The following FUT8 variants were observed in gnomAD, a reference collection of about 807,000 sequenced individuals.
The protein encoded by FUT8 is alpha-(1,6)-fucosyltransferase.
A neutral mutation model predicts 71.3 loss-of-function variants in FUT8; 29 were observed. The ratio of observed to expected loss-of-function variants is 0.41; its 90% CI spans 0.30 to 0.55. The LOEUF is 0.55. FUT8 is among the 20% of genes least tolerant of loss of function. FUT8 has a pLI of 0.34. For missense variants in FUT8, 544 were observed against 702.1 expected, an observed-to-expected ratio of 0.77 and a Z score of 2.55; for synonymous variants, 254 against 239.3, an observed-to-expected ratio of 1.06 and a Z score of -0.57.
intron 3 of FUT8, among the ~76,000 whole-genome samples, chr14:65,612,194 G>C (rs2140208593): frequency 6.6e-6 from 1 of 152,144 alleles, no homozygotes; most frequent in African/African-American, 2.4e-5. Flanking sequence ...GTTACTAGAA[G>C]GTCTTGTATA....
At chr14:65,481,616 C>T (rs964811251) in intron 2 of FUT8, among the ~76,000 whole-genome samples, 1 of 152,114 alleles carries the variant, frequency 6.6e-6, no homozygotes, top group Non-Finnish European at 1.5e-5. Context: ...CCCACTACTA[C>T]CCATCCTTCC....
rs946343866 is a variant in FUT8, at chr14:65,467,538, G to A, written c.-228+11820G>A. ...GTCGCCCGGGCTGGAGTGCAGTGGT[G>A]TGATCTTGGCTCACTGCAACCTCCA... On this transcript the variant is annotated intron_variant, in intron 2 of 10. Coordinates refer to ENST00000673929, the MANE Select transcript of FUT8 (RefSeq NM_001371533.1). The surrounding 1 kb of genome is among the most constrained non-coding windows in gnomAD (Gnocchi z 4.1). 6.6e-6 allele frequency among the ~76,000 whole-genome samples: 1 copy of A among 151,586 alleles called. No individual in the cohort carries two copies. The highest frequency in any genetic ancestry group is 1.5e-5 in the Non-Finnish European group (1 of 67,894).
intron 1 of FUT8, among the ~76,000 whole-genome samples, chr14:65,451,848 G>C (rs1446148852): frequency 6.6e-6 from 1 of 152,160 alleles, no homozygotes; most frequent in Non-Finnish European, 1.5e-5. Context: ...TTGTCTACCA[G>C]CTGAGTCTGG....
chr14:65,523,587 C>T (rs958145807), intron 2 of FUT8, among the ~76,000 whole-genome samples: 1 of 152,180 alleles, frequency 6.6e-6, no homozygotes, highest in Admixed American at 6.5e-5. Flanking sequence ...AATTAGATCC[C>T]ATTTGTCAAT....
Position 65,550,985 on chromosome 14 carries a change from A to G in FUT8, c.-227-10352A>G, listed in dbSNP as rs1003672109. The stretch of plus-strand genomic sequence containing the variant: ...AATGCATCTTAGCATAAATTTTTGC[A>G]TGTGGAATTTCTTGTCAAAGGGCAT... On this transcript the variant is annotated intron_variant, in intron 2 of 10. Coordinates refer to ENST00000673929, the MANE Select transcript of FUT8 (RefSeq NM_001371533.1). The surrounding 1 kb of genome is among the most constrained non-coding windows in gnomAD (Gnocchi z 4.5). 6.6e-6 allele frequency among the ~76,000 whole-genome samples: 1 copy of G among 152,208 alleles called. No homozygotes were observed. Among genetic ancestry groups the G allele is most frequent in the African/African-American group, 2.4e-5 (1 of 41,452 alleles).
chr14:65,647,268 G>T (rs567790558), intron 6 of FUT8, among the ~76,000 whole-genome samples: 11 of 152,092 alleles, frequency 7.2e-5, no homozygotes, highest in African/African-American at 2.7e-4. Context: ...TGTTCCTCTA[G>T]TATGTTAAAG....
chr14:65,501,554 T>G lies in FUT8; in HGVS notation c.-228+45836T>G, dbSNP rs188535273. The stretch of plus-strand genomic sequence containing the variant: ...TGGGCAATGCTGACTGGAAAAAGCA[T>G]GTACTGCATTCTCCCTCTAGTGTCC... On this transcript the variant is annotated intron_variant, in intron 2 of 10. Transcript: ENST00000673929. Among the ~76,000 whole-genome samples, 26 of 152,300 alleles carry G rather than the reference T, an allele frequency of 1.7e-4. 1 individual carries two copies. The highest frequency in any genetic ancestry group is 3.4e-3 in the Middle Eastern group (1 of 294).
chr14:65,646,454 A>G (rs1594855531), intron 6 of FUT8: 3 of 152,234 alleles, frequency 2.0e-5, no homozygotes, highest in African/African-American at 4.8e-5. Flanking sequence ...ATTTAATACT[A>G]GAACAGCAGC....
chr14:65,509,387 G>A (rs374610680), intron 2 of FUT8, among the ~76,000 whole-genome samples: 1 of 151,844 alleles, frequency 6.6e-6, no homozygotes, highest in African/African-American at 2.4e-5. Flanking sequence ...TGCTTAGGAT[G>A]GCTTTGGTTA....
intron 5 of FUT8, 117 bp from the exon 6 acceptor site, chr14:65,629,375 C>T (rs1890057424): frequency 3.3e-6 from 2 of 612,230 alleles, no homozygotes; most frequent in East Asian, 2.7e-5. Flanking sequence ...AAGATGAGTA[C>T]CAGTGTCAAT....
chr14:65,531,710 C>A (rs1231320224), intron 2 of FUT8, among the ~76,000 whole-genome samples: 2 of 152,110 alleles, frequency 1.3e-5, no homozygotes, highest in Non-Finnish European at 2.9e-5. Context: ...CAGATTATTT[C>A]ATCACCCAGG....
chr14:65,633,973 C>T (rs190672457), intron 6 of FUT8, among the ~76,000 whole-genome samples: 1,571 of 151,828 alleles, frequency 0.01, 32 homozygotes, highest in African/African-American at 0.036. Context: ...CTAGCCGCCC[C>T]ATCCGGGAGG....
At position 65,719,810 on chromosome 14, in the gene FUT8, G is replaced by C. The variant is rs547070173; in HGVS notation, c.836-1965G>C. 6.6e-5 allele frequency among the ~76,000 whole-genome samples: 10 copies of C among 152,288 alleles called. No individual in the cohort carries two copies. In the South Asian group the frequency reaches 2.1e-3, roughly 32 times the overall value. ...TTCCCTTACTTTGTCCCAAACAAAC[G>C]AGTCTCTGATTCTGTGCTCCAAGCC... On this transcript the variant is annotated intron_variant, in intron 7 of 10. Coordinates refer to ENST00000673929, the MANE Select transcript of FUT8 (RefSeq NM_001371533.1).
At chr14:65,725,468 A>C (rs1421900965) in intron 9 of FUT8, among the ~76,000 whole-genome samples, 1 of 152,220 alleles carries the variant, frequency 6.6e-6, no homozygotes, top group Middle Eastern at 3.2e-3. Context: ...TTTATTTACT[A>C]TCAATAAATG....
intron 1 of FUT8, among the ~76,000 whole-genome samples, chr14:65,427,637 A>G (rs949182158): frequency 2.0e-5 from 3 of 152,240 alleles, no homozygotes; most frequent in South Asian, 4.1e-4. Context: ...TTTTCTTGCT[A>G]TTGAGTTGAG....
intron 2 of FUT8, among the ~76,000 whole-genome samples, chr14:65,522,202 C>T (rs759077066): frequency 2.6e-5 from 4 of 152,044 alleles, no homozygotes; most frequent in Admixed American, 6.5e-5. Context: ...TTTGACAGTA[C>T]TAGCTTTGTG....
In FUT8 at chr14:65,643,497, A is replaced by G. The variant is rs1890939789; in HGVS notation, c.597+13891A>G. Among the ~76,000 whole-genome samples, 2 of 152,202 alleles carry G rather than the reference A, an allele frequency of 1.3e-5. No individual in the cohort carries two copies. The highest frequency in any genetic ancestry group is 4.1e-4 in the South Asian group (2 of 4,824). Reference sequence around the variant, plus strand: ...GTGAAACCCTGTCTCTACTAAAAATACAAAAGATTAGCCGGGCGTGGTGGC... The same window carrying G: ...GTGAAACCCTGTCTCTACTAAAAATGCAAAAGATTAGCCGGGCGTGGTGGC... On this transcript the variant is annotated intron_variant, in intron 6 of 10. Coordinates refer to ENST00000673929, the MANE Select transcript of FUT8 (RefSeq NM_001371533.1). The surrounding 1 kb of genome is among the most constrained non-coding windows in gnomAD (Gnocchi z 4.5).
chr14:65,692,727 G>A (rs553038793), intron 7 of FUT8, among the ~76,000 whole-genome samples: 4,256 of 148,450 alleles, frequency 0.029, 76 homozygotes, highest in Non-Finnish European at 0.044. Context: ...GCTGCCGGGC[G>A]GAGGGGCTCC....
intron 7 of FUT8, among the ~76,000 whole-genome samples, chr14:65,681,225 A>T (rs929943983): frequency 1.3e-5 from 2 of 152,128 alleles, no homozygotes; most frequent in Non-Finnish European, 2.9e-5. Flanking sequence ...CAGTTTTTTT[A>T]AATTAAATTG....
Sources: gnomAD v4.1 joint callset for allele counts (sites outside exome capture counted in the v4.1 genomes callset) on GRCh38, gnomAD v4.1.1 for gene constraint, Gnocchi (gnomAD v3.1) non-coding constraint, MANE v1.5 for transcripts, NCBI Gene and HGNC (gene_info 2026-07-23, HGNC 2026-07-21) for gene names.